Variants in TENM4 observed in about 807,000 individuals in gnomAD.
The protein encoded by TENM4 is teneurin-4.
Under a neutral mutation model 243.3 loss-of-function variants are expected in TENM4, and 82 were observed. The ratio of observed to expected loss-of-function variants is 0.34; its 90% CI spans 0.28 to 0.40. The LOEUF is 0.40. TENM4 is among the 10% of genes least tolerant of loss of function. TENM4 has a pLI of 1.00. For synonymous variants in TENM4, 1,412 were observed against 1,456.3 expected, an observed-to-expected ratio of 0.97 and a Z score of 0.69; for missense variants, 3,138 against 3,673.3, an observed-to-expected ratio of 0.85 and a Z score of 3.77.
chr11:79,348,486 A>G (rs1857365432), intron 1 of TENM4, among the ~76,000 whole-genome samples: 1 of 152,216 alleles, frequency 6.6e-6, no homozygotes, highest in Non-Finnish European at 1.5e-5. Context: ...ATAGTTACAG[A>G]CAGAATGATT....
At chr11:79,346,363 G>C (rs1326923296) in intron 1 of TENM4, among the ~76,000 whole-genome samples, 1 of 152,000 alleles carries the variant, frequency 6.6e-6, no homozygotes, top group South Asian at 2.1e-4. Context: ...ACCTGCCTTC[G>C]GGGGTGTTTG....
At position 78,653,411 on chromosome 11, in the gene TENM4, CA is replaced by C. The variant is rs1271301143; in HGVS notation, c.*4646del. The C allele has an allele frequency of 6.6e-6, 1 of 151,996 alleles. No individual in the cohort carries two copies. The highest frequency in any genetic ancestry group is 1.5e-5 in the Non-Finnish European group (1 of 68,004). 9.4% of individuals were successfully genotyped at this position (151,996 alleles called of 1,614,324 possible). On this transcript the variant is annotated 3_prime_UTR_variant, in exon 34 of 34. Coordinates refer to ENST00000278550, the MANE Select transcript of TENM4 (RefSeq NM_001098816.3). ...ATTTACAGCCTTGTTGGTATTTACA[CA>C]GTCAAGATACAGTGTTAGAAACACA... is the stretch of plus-strand genomic sequence containing the variant.
intron 6 of TENM4, among the ~76,000 whole-genome samples, chr11:79,011,122 G>C (rs1858630497): frequency 6.6e-6 from 1 of 152,308 alleles, no homozygotes; most frequent in South Asian, 2.1e-4. Flanking sequence ...AACCTACCCT[G>C]AATGTATGCT....
intron 2 of TENM4, among the ~76,000 whole-genome samples, chr11:79,253,704 G>A (rs960130693): frequency 6.6e-6 from 1 of 152,178 alleles, no homozygotes; most frequent in African/African-American, 2.4e-5. Flanking sequence ...AGAGGCTACA[G>A]AGGTTTCCCT....
At chr11:79,154,969 G>A (rs1353745670) in intron 3 of TENM4, among the ~76,000 whole-genome samples, 3 of 152,184 alleles carry the variant, frequency 2.0e-5, no homozygotes, top group African/African-American at 7.2e-5. Flanking sequence ...TGTTGAATGA[G>A]TGCATTTCCA....
chr11:79,268,863 A>C (rs1199335444), intron 2 of TENM4, among the ~76,000 whole-genome samples: 1 of 152,226 alleles, frequency 6.6e-6, no homozygotes, highest in Non-Finnish European at 1.5e-5. Flanking sequence ...CCTAAGTGCA[A>C]GAAGGCTGTA....
At chr11:78,732,206 G>C in intron 21 of TENM4, 110 bp downstream of exon 21, 1 of 1,446,384 alleles carries the variant, frequency 6.9e-7, no homozygotes, top group South Asian at 1.5e-5. Context: ...GATGGGACCT[G>C]ACCCAAGCCC....
chr11:79,175,003 A>G (rs1253349725), intron 3 of TENM4, among the ~76,000 whole-genome samples: 1 of 152,174 alleles, frequency 6.6e-6, no homozygotes, highest in Non-Finnish European at 1.5e-5. Context: ...CTATCTCTAT[A>G]TCAATATCTC....
chr11:78,987,216 A>G (rs1164832384), intron 6 of TENM4, among the ~76,000 whole-genome samples: 1 of 152,236 alleles, frequency 6.6e-6, no homozygotes, highest in Non-Finnish European at 1.5e-5. Flanking sequence ...AGCTTTATTC[A>G]TAATAGTCTG....
intron 3 of TENM4, among the ~76,000 whole-genome samples, chr11:79,165,691 T>C (rs1862894625): frequency 6.6e-6 from 1 of 152,212 alleles, no homozygotes; most frequent in Non-Finnish European, 1.5e-5. Context: ...GCTTTCAGGT[T>C]CTTGATCATA....
At chr11:79,156,983 G>C (rs1862635292) in intron 3 of TENM4, among the ~76,000 whole-genome samples, 1 of 152,164 alleles carries the variant, frequency 6.6e-6, no homozygotes, top group Admixed American at 6.5e-5. Flanking sequence ...ATCTCCTGCA[G>C]GACCAAGCAT....
intron 1 of TENM4, among the ~76,000 whole-genome samples, chr11:79,424,615 A>G (rs893882976): frequency 2.0e-5 from 3 of 151,202 alleles, no homozygotes; most frequent in Non-Finnish European, 2.9e-5. Flanking sequence ...CCTGGGCAAT[A>G]GAACCAGACC....
rs1020923059 is a variant in TENM4, at chr11:79,233,748, C to T, written c.-264-17839G>A. On this transcript the variant is annotated intron_variant, in intron 2 of 33. Transcript: ENST00000278550. ...GTATTCCTACCCCACCTCCAGGTGG[C>T]CCTTTGTGAACTTTCAGTGGGCAAA... is the stretch of plus-strand genomic sequence containing the variant. Among the ~76,000 whole-genome samples, 5 of 152,142 alleles carry T rather than the reference C, an allele frequency of 3.3e-5. No homozygotes were observed. In the East Asian group the frequency reaches 9.6e-4, roughly 29 times the overall value.
chr11:78,900,559 A>G (rs1369484871), intron 7 of TENM4, among the ~76,000 whole-genome samples: 1 of 152,232 alleles, frequency 6.6e-6, no homozygotes, highest in Non-Finnish European at 1.5e-5. Flanking sequence ...AAAAAATGGG[A>G]AATAGCTTTT....
At chr11:79,009,067 T>C (rs11824789) in intron 6 of TENM4, among the ~76,000 whole-genome samples, 39,378 of 152,150 alleles carry the variant, frequency 0.26, 5,313 homozygotes, top group South Asian at 0.35. Flanking sequence ...TTCTGTTCTA[T>C]TGGAGTCTTA....
intron 6 of TENM4, among the ~76,000 whole-genome samples, chr11:78,946,891 G>A (rs1483146925): frequency 6.6e-6 from 1 of 152,204 alleles, no homozygotes; most frequent in Non-Finnish European, 1.5e-5. Flanking sequence ...TTTTATGGAT[G>A]AGGAGTTGCT....
At chr11:78,903,056 G>C (rs889286980) in intron 7 of TENM4, among the ~76,000 whole-genome samples, 15 of 152,334 alleles carry the variant, frequency 9.8e-5, no homozygotes, top group African/African-American at 3.6e-4. Flanking sequence ...CACACCTTTG[G>C]TAATCAGCAG....
At chr11:79,201,913 GTGA>G (rs1863746342) in intron 3 of TENM4, among the ~76,000 whole-genome samples, 1 of 152,230 alleles carries the variant, frequency 6.6e-6, no homozygotes, top group Non-Finnish European at 1.5e-5. Flanking sequence ...GGCTGCTGCA[GTGA>G]TCCAAGAGTG....
chr11:79,140,950 C>T (rs1267178778), intron 4 of TENM4, among the ~76,000 whole-genome samples: 1 of 152,002 alleles, frequency 6.6e-6, no homozygotes, highest in Non-Finnish European at 1.5e-5. Context: ...TCTGACTCTA[C>T]CGTCTGTGGG....
Sources: gnomAD v4.1 joint callset for allele counts (sites outside exome capture counted in the v4.1 genomes callset) on GRCh38, gnomAD v4.1.1 for gene constraint, MANE v1.5 for transcripts, NCBI Gene and HGNC (gene_info 2026-07-23, HGNC 2026-07-21) for gene names.